SPATA9: variants seen among roughly 807,000 people sequenced by gnomAD.
SPATA9 encodes spermatogenesis associated 9.
SPATA9 carries 27 observed loss-of-function variants against 25.5 expected under a neutral mutation model. The ratio of observed to expected loss-of-function variants is 1.06; its 90% confidence interval spans 0.78 to 1.46. SPATA9 has a LOEUF of 1.46. SPATA9 is among the 40% of genes most tolerant of loss of function. The pLI is 0.00. For missense variants in SPATA9, 282 were observed against 297.5 expected (o/e 0.95, Z 0.38); for synonymous variants, 102 against 105.7 (o/e 0.97, Z 0.21).
chr5:95,716,445 T>G, the SPATA9 span, among the ~76,000 whole-genome samples: 1 of 152,272 alleles, frequency 6.6e-6, no homozygotes, highest in Non-Finnish European at 1.5e-5. Context: ...GCATGGGGCC[T>G]GTAGCCCCTT....
intron 1 of SPATA9, among the ~76,000 whole-genome samples, chr5:95,690,232 A>G (rs1276533849): frequency 5.3e-5 from 8 of 152,250 alleles, no homozygotes; most frequent in Admixed American, 5.2e-4. Context: ...AATGTTAAAC[A>G]GAATTGGAAA....
the SPATA9 span, chr5:95,731,414 C>T: frequency 1.7e-6 from 2 of 1,187,974 alleles, no homozygotes; most frequent in Admixed American, 4.6e-5. Flanking sequence ...TGGGGCTGTG[C>T]GGCGGTCCCG....
upstream of SPATA9, chr5:95,684,543 A>T (rs1245010248): frequency 6.6e-6 from 1 of 152,252 alleles, no homozygotes; most frequent in African/African-American, 2.4e-5. Context: ...TTAAAGCATA[A>T]GCAACTCTTT....
the SPATA9 span, chr5:95,731,370 G>A: frequency 4.4e-6 from 5 of 1,147,830 alleles, no homozygotes; most frequent in South Asian, 8.5e-5. Flanking sequence ...GAGGAGGCGC[G>A]GCGGAGAGGG....
intron 3 of SPATA9, among the ~76,000 whole-genome samples, chr5:95,665,829 C>T (rs549311184): frequency 6.6e-6 from 1 of 152,108 alleles, no homozygotes; most frequent in South Asian, 2.1e-4. Flanking sequence ...ATTAGCCAGG[C>T]CTGGTGGCGC....
chr5:95,711,427 G>A, the SPATA9 span, among the ~76,000 whole-genome samples: 47 of 152,160 alleles, frequency 3.1e-4, no homozygotes, highest in Non-Finnish European at 6.2e-4. Flanking sequence ...GAGAAGGCAG[G>A]ATTTTGGGTT....
At chr5:95,705,694 T>C in the SPATA9 span, among the ~76,000 whole-genome samples, 6 of 152,368 alleles carry the variant, frequency 3.9e-5, no homozygotes, top group East Asian at 1.2e-3. Flanking sequence ...TAAATTTTAC[T>C]GTAATGTAAT....
At chr5:95,680,253 A>G (rs1753327893) in intron 2 of SPATA9, among the ~76,000 whole-genome samples, 1 of 152,168 alleles carries the variant, frequency 6.6e-6, no homozygotes, top group Non-Finnish European at 1.5e-5. Flanking sequence ...AACTGCATAT[A>G]TAACAATTAC....
intron 1 of SPATA9, among the ~76,000 whole-genome samples, chr5:95,688,890 T>C (rs1753815183): frequency 6.6e-6 from 1 of 152,098 alleles, no homozygotes; most frequent in Non-Finnish European, 1.5e-5. Context: ...TTAAAAACCT[T>C]CCTGAATGAA....
At chr5:95,721,915 C>T in the SPATA9 span, among the ~76,000 whole-genome samples, 3 of 152,074 alleles carry the variant, frequency 2.0e-5, no homozygotes, top group South Asian at 6.2e-4. Flanking sequence ...ATTAGCAGGG[C>T]TTTTCTCAAA....
chr5:95,697,770 C>G (rs1244107977), intron 1 of SPATA9, among the ~76,000 whole-genome samples: 1 of 152,154 alleles, frequency 6.6e-6, no homozygotes, highest in Non-Finnish European at 1.5e-5. Context: ...ATGACAGACT[C>G]GCTTCTTTTA....
intron 2 of SPATA9, among the ~76,000 whole-genome samples, chr5:95,676,276 GT>G (rs1752946897): frequency 6.6e-6 from 1 of 151,944 alleles, no homozygotes; most frequent in South Asian, 2.1e-4. Context: ...ATTTAAATAG[GT>G]TTTTGGGGAA....
chr5:95,689,817 A>AATGTGGT (rs1254124453), intron 1 of SPATA9, among the ~76,000 whole-genome samples: 1 of 152,200 alleles, frequency 6.6e-6, no homozygotes, highest in Non-Finnish European at 1.5e-5. Context: ...AGATAAAGAA[A>AATGTGGT]ATGTGGTATA....
At chr5:95,694,103 T>G (rs74625385) in intron 1 of SPATA9, among the ~76,000 whole-genome samples, 2,489 of 152,180 alleles carry the variant, frequency 0.016, 31 homozygotes, top group Non-Finnish European at 0.026. Flanking sequence ...AAGGCTGCAG[T>G]GACCCATGCT....
the SPATA9 span, among the ~76,000 whole-genome samples, chr5:95,715,248 C>T: frequency 6.0e-5 from 9 of 150,342 alleles, no homozygotes; most frequent in South Asian, 2.1e-4. Context: ...GGCATGAACC[C>T]GGGAGGCAGA....
At chr5:95,708,620 GTTCT>G in the SPATA9 span, 1 of 696,498 alleles carries the variant, frequency 1.4e-6, no homozygotes, top group Non-Finnish European at 2.6e-6. Flanking sequence ...ACATTTTGGA[GTTCT>G]TTTTCTGTAC....
chr5:95,707,035 G>C, the SPATA9 span, among the ~76,000 whole-genome samples: 34,090 of 152,044 alleles, frequency 0.22, 4,085 homozygotes, highest in East Asian at 0.5. Flanking sequence ...AGGGTATTTT[G>C]ATAGAAAAGC....
At chr5:95,670,377 A>G (rs1752256467) in intron 3 of SPATA9, 1 of 152,210 alleles carries the variant, frequency 6.6e-6, no homozygotes. Flanking sequence ...ATTCTCAGCC[A>G]TATAATAGAG....
chr5:95,679,651 A>G (rs1011454900), intron 2 of SPATA9, among the ~76,000 whole-genome samples: 19 of 152,090 alleles, frequency 1.2e-4, no homozygotes, highest in African/African-American at 3.9e-4. Flanking sequence ...ACTAAGGCCA[A>G]CCTTCCAAGT....
Sources: gnomAD v4.1 joint callset for allele counts (sites outside exome capture counted in the v4.1 genomes callset) on GRCh38, gnomAD v4.1.1 for gene constraint, MANE v1.5 for transcripts, NCBI Gene and HGNC (gene_info 2026-07-23, HGNC 2026-07-21) for gene names.